Variants in GRM7 observed in about 807,000 individuals in gnomAD.
The protein encoded by GRM7 is metabotropic glutamate receptor 7.
Under a neutral mutation model 84.5 loss-of-function variants are expected in GRM7, and 35 were observed. The ratio of observed to expected loss-of-function variants is 0.41; its 90% CI spans 0.32 to 0.55. The LOEUF is 0.55. Among genes scored for constraint, GRM7 ranks in the 20% least tolerant of loss-of-function variants. GRM7 has a pLI of 0.19. For synonymous variants in GRM7, 487 were observed against 455.1 expected (o/e 1.07, Z -0.89); for missense variants, 1,003 against 1,194.6 (o/e 0.84, Z 2.36).
intron 7 of GRM7, among the ~76,000 whole-genome samples, chr3:7,501,442 C>T (rs59898216): frequency 0.25 from 38,412 of 152,086 alleles, 5,653 homozygotes; most frequent in East Asian, 0.61. Context: ...TTATTGACTA[C>T]GTGAGTCAGA....
chr3:7,457,853 A>G (rs116494196), intron 6 of GRM7, among the ~76,000 whole-genome samples: 2,000 of 152,266 alleles, frequency 0.013, 26 homozygotes, highest in Non-Finnish European at 0.019. Context: ...CCGGTTAGCC[A>G]ATATCAACTG....
chr3:7,134,754 T>C (rs1693718748), intron 1 of GRM7, among the ~76,000 whole-genome samples: 1 of 152,128 alleles, frequency 6.6e-6, no homozygotes, highest in Non-Finnish European at 1.5e-5. Flanking sequence ...GGTACACATA[T>C]GCTAGATGGG....
At chr3:7,382,594 T>A (rs1694632345) in intron 4 of GRM7, among the ~76,000 whole-genome samples, 1 of 152,128 alleles carries the variant, frequency 6.6e-6, no homozygotes, top group Non-Finnish European at 1.5e-5. Context: ...GAATAATAAC[T>A]GGAACACTGA....
chr3:7,671,052 G>T (rs1048519606), intron 8 of GRM7, among the ~76,000 whole-genome samples: 4 of 152,102 alleles, frequency 2.6e-5, no homozygotes, highest in Non-Finnish European at 5.9e-5. Context: ...TAACACAACA[G>T]GGCAAATAGT....
intron 7 of GRM7, among the ~76,000 whole-genome samples, chr3:7,522,232 T>C (rs535996284): frequency 9.2e-5 from 14 of 152,314 alleles, no homozygotes; most frequent in African/African-American, 3.1e-4. Flanking sequence ...GTAATTTGAA[T>C]CTTGTGTCAT....
intron 1 of GRM7, among the ~76,000 whole-genome samples, chr3:6,973,881 G>T (rs981416166): frequency 6.6e-6 from 1 of 152,086 alleles, no homozygotes; most frequent in Non-Finnish European, 1.5e-5. Flanking sequence ...TTGATAAGAG[G>T]GAAAGTCATG....
intron 1 of GRM7, among the ~76,000 whole-genome samples, chr3:7,078,852 TG>T (rs1463109372): frequency 2.7e-4 from 37 of 136,574 alleles, no homozygotes; most frequent in Non-Finnish European, 3.4e-4. Context: ...ACTCTGAGTT[TG>T]TTTTTTTTTT....
chr3:7,442,999 A>C (rs1231186747), intron 5 of GRM7, among the ~76,000 whole-genome samples: 5 of 143,094 alleles, frequency 3.5e-5, no homozygotes, highest in Non-Finnish European at 7.6e-5. Context: ...TATCATCTTG[A>C]TCTTCTTTTT....
At chr3:7,179,863 T>A (rs2125096022) in intron 2 of GRM7, among the ~76,000 whole-genome samples, 1 of 152,322 alleles carries the variant, frequency 6.6e-6, no homozygotes, top group African/African-American at 2.4e-5. Flanking sequence ...TCAATTTACC[T>A]TGGCTTTTAA....
chr3:6,929,911 C>T lies in GRM7; in HGVS notation c.519+68004C>T, dbSNP rs139681950. On this transcript the variant is annotated intron_variant, in intron 1 of 9. Transcript: ENST00000357716. ...CACATCAGATGGGAACAACGCTTCTCCTCCGGAGATCAATACCTCATACAA... is the reference window on the plus strand; with the variant it reads ...CACATCAGATGGGAACAACGCTTCTTCTCCGGAGATCAATACCTCATACAA... 1.2e-4 allele frequency among the ~76,000 whole-genome samples: 19 copies of T among 152,272 alleles called. No homozygotes were observed. The East Asian group carries it at 3.7e-3, about 29-fold the overall frequency.
intron 7 of GRM7, among the ~76,000 whole-genome samples, chr3:7,535,446 A>G (rs938867903): frequency 2.7e-4 from 41 of 152,212 alleles, no homozygotes; most frequent in African/African-American, 8.9e-4. Flanking sequence ...TGAGGTGACC[A>G]CTACTGGGTG....
chr3:6,982,344 C>T (rs990426474), intron 1 of GRM7, among the ~76,000 whole-genome samples: 8 of 152,088 alleles, frequency 5.3e-5, no homozygotes, highest in Non-Finnish European at 1.0e-4. Flanking sequence ...ACCTGTGTGG[C>T]ACTATGCTCA....
chr3:6,995,754 T>A (rs1485688733), intron 1 of GRM7, among the ~76,000 whole-genome samples: 1 of 152,034 alleles, frequency 6.6e-6, no homozygotes, highest in Non-Finnish European at 1.5e-5. Context: ...AGAAAAGAAA[T>A]TATTTTTGAA....
chr3:7,422,686 G>A (rs763422416), intron 5 of GRM7, among the ~76,000 whole-genome samples: 2 of 152,122 alleles, frequency 1.3e-5, no homozygotes, highest in African/African-American at 2.4e-5. Flanking sequence ...ACAGAGCCAA[G>A]TACTGACCAT....
chr3:7,059,175 A>T (rs1226749279), intron 1 of GRM7, among the ~76,000 whole-genome samples: 1 of 151,814 alleles, frequency 6.6e-6, no homozygotes, highest in African/African-American at 2.4e-5. Context: ...ACATATATAT[A>T]TATGTATTAC....
intron 2 of GRM7, among the ~76,000 whole-genome samples, chr3:7,150,149 G>A (rs991488432): frequency 1.3e-5 from 2 of 152,024 alleles, no homozygotes; most frequent in African/African-American, 2.4e-5. Flanking sequence ...TTGTTTCAGT[G>A]TACTGCTGGC....
chr3:7,538,315 T>C (rs111821238), intron 7 of GRM7, among the ~76,000 whole-genome samples: 16,059 of 152,170 alleles, frequency 0.11, 951 homozygotes, highest in South Asian at 0.13. Context: ...TTTCACCATG[T>C]TGGCCAGCCT....
intron 7 of GRM7, among the ~76,000 whole-genome samples, chr3:7,507,052 A>G (rs1490868852): frequency 6.6e-6 from 1 of 152,224 alleles, no homozygotes; most frequent in African/African-American, 2.4e-5. Context: ...TGTTTACCCA[A>G]CAGTGAATCA....
At chr3:7,469,626 G>A (rs554128351) in intron 7 of GRM7, among the ~76,000 whole-genome samples, 4 of 152,166 alleles carry the variant, frequency 2.6e-5, no homozygotes, top group Non-Finnish European at 5.9e-5. Flanking sequence ...AAACAGGAAA[G>A]GACTTAGGAT....
Sources: gnomAD v4.1 joint callset for allele counts (sites outside exome capture counted in the v4.1 genomes callset) on GRCh38, gnomAD v4.1.1 for gene constraint, MANE v1.5 for transcripts, NCBI Gene and HGNC (gene_info 2026-07-23, HGNC 2026-07-21) for gene names.